SRGAP2B: variants seen among roughly 807,000 people sequenced by gnomAD.
SRGAP2B encodes the protein SLIT-ROBO Rho GTPase activating protein 2B, also known as SLIT-ROBO Rho GTPase-activating protein 2B.
In SRGAP2B, 9 loss-of-function variants were observed where a neutral mutation model predicts 22.2. That is an observed-to-expected ratio of 0.41 (90% CI 0.24 to 0.71). The LOEUF (loss-of-function observed/expected upper bound fraction) is 0.71. SRGAP2B is among the 30% of genes least tolerant of loss of function. The pLI is 0.35. For missense variants in SRGAP2B, 114 were observed against 235.8 expected (o/e 0.48, Z 3.38); for synonymous variants, 36 against 87.4 (o/e 0.41, Z 3.28).
chr1:145,001,937 G>A (rs587668678), intron 2 of SRGAP2B, among the ~76,000 whole-genome samples: 1 of 147,534 alleles, frequency 6.8e-6, no homozygotes, highest in South Asian at 2.1e-4. Flanking sequence ...TGGGAGGCTT[G>A]CTTGAGCCCA....
At chr1:145,020,402 G>A (rs1403452255) in intron 2 of SRGAP2B, among the ~76,000 whole-genome samples, 1 of 126,380 alleles carries the variant, frequency 7.9e-6, no homozygotes, top group South Asian at 2.8e-4. Context: ...ACTCCAACCT[G>A]GGCAAGAGAG....
At chr1:144,951,300 C>T (rs1332007087) in intron 4 of SRGAP2B, among the ~76,000 whole-genome samples, 2 of 142,712 alleles carry the variant, frequency 1.4e-5, no homozygotes, top group Non-Finnish European at 3.0e-5. Flanking sequence ...TCTCAGCCTC[C>T]TGGGTAGCTA....
In SRGAP2B at chr1:144,928,326, T is replaced by C. The variant is rs1273487779; in HGVS notation, c.424-13572A>G. 2.7e-3 allele frequency among the ~76,000 whole-genome samples: 392 copies of C among 145,362 alleles called. 14 individuals are homozygous for C. The highest frequency in any genetic ancestry group is 9.8e-3 in the African/African-American group (376 of 38,480). On this transcript the variant is annotated intron_variant, in intron 4 of 9. Transcript: ENST00000612199. ...ATGGACATGACACATTTTGTTTAAA[T>C]TGTATAGGTATGCCATACTTTGTTT...
At chr1:144,888,938 G>T (rs1472232697) in exon 10 of SRGAP2B, 2 of 140,408 alleles carry the variant, frequency 1.4e-5, no homozygotes, top group Non-Finnish European at 3.0e-5. Flanking sequence ...ACGCCCAGCA[G>T]ATTTATTTAT....
intron 2 of SRGAP2B, among the ~76,000 whole-genome samples, chr1:145,068,836 T>C (rs1553632852): frequency 6.8e-6 from 1 of 148,032 alleles, no homozygotes; most frequent in Non-Finnish European, 1.5e-5. Flanking sequence ...CTATTTAAAA[T>C]ATATAGAAAT....
chr1:145,083,094 G>A (rs1210240679), intron 2 of SRGAP2B, among the ~76,000 whole-genome samples: 3 of 144,438 alleles, frequency 2.1e-5, no homozygotes, highest in East Asian at 2.0e-4. Flanking sequence ...CAGAGGAGAT[G>A]CTGAGAGCGT....
chr1:145,080,342 A>C (rs1553634594), intron 2 of SRGAP2B, among the ~76,000 whole-genome samples: 1 of 148,186 alleles, frequency 6.7e-6, no homozygotes, highest in Admixed American at 6.7e-5. Context: ...AGATCGTGAT[A>C]CTTCAACAAG....
chr1:145,006,049 C>T (rs1553621009), intron 2 of SRGAP2B, among the ~76,000 whole-genome samples: 1 of 150,776 alleles, frequency 6.6e-6, no homozygotes, highest in Non-Finnish European at 1.5e-5. Context: ...CCTGGGCCTT[C>T]ATATGTTGTT....
At chr1:144,987,935 C>T (rs1342782828) in intron 3 of SRGAP2B, among the ~76,000 whole-genome samples, 3 of 150,932 alleles carry the variant, frequency 2.0e-5, no homozygotes, top group Non-Finnish European at 2.9e-5. Context: ...TCATCAGCTA[C>T]GTGGACTCTT....
intron 4 of SRGAP2B, among the ~76,000 whole-genome samples, chr1:144,954,933 A>T (rs1667149240): frequency 6.7e-6 from 1 of 150,368 alleles, no homozygotes; most frequent in Non-Finnish European, 1.5e-5. Context: ...AACGTATATG[A>T]GTTTGCTAAA....
At chr1:145,001,751 TG>T (rs1188968875) in intron 2 of SRGAP2B, among the ~76,000 whole-genome samples, 2 of 150,584 alleles carry the variant, frequency 1.3e-5, no homozygotes, top group Non-Finnish European at 2.9e-5. Context: ...CCAGGCACAG[TG>T]GCTCACCCCT....
chr1:144,964,981 G>C (rs1667962430), intron 3 of SRGAP2B: 2 of 1,435,920 alleles, frequency 1.4e-6, no homozygotes, highest in Non-Finnish European at 2.0e-6. Context: ...CTGCACCAGA[G>C]ACCTTCGCCT....
intron 2 of SRGAP2B, among the ~76,000 whole-genome samples, chr1:145,058,381 GT>G (rs1167344826): frequency 1.4e-5 from 2 of 145,034 alleles, no homozygotes; most frequent in African/African-American, 5.3e-5. Flanking sequence ...TGGCCTAGGC[GT>G]GAACAAATTC....
chr1:144,923,021 T>C (rs1264224985), intron 4 of SRGAP2B, among the ~76,000 whole-genome samples: 5 of 151,106 alleles, frequency 3.3e-5, no homozygotes, highest in Admixed American at 1.3e-4. Flanking sequence ...CTTTGGTCCC[T>C]GACCAAAGTC....
chr1:145,094,016 A>C (rs1417201539), intron 1 of SRGAP2B, among the ~76,000 whole-genome samples: 1 of 146,400 alleles, frequency 6.8e-6, no homozygotes, highest in Non-Finnish European at 1.5e-5. Context: ...CAGGAAAACA[A>C]TGTGGTCAGC....
chr1:144,980,104 C>T (rs587644538), intron 3 of SRGAP2B, among the ~76,000 whole-genome samples: 3 of 149,746 alleles, frequency 2.0e-5, no homozygotes, highest in East Asian at 3.9e-4. Flanking sequence ...AGTCAATACA[C>T]GTAAGAAGCC....
chr1:144,951,128 G>C (rs1629740), intron 4 of SRGAP2B, among the ~76,000 whole-genome samples: 7 of 150,894 alleles, frequency 4.6e-5, no homozygotes, highest in Non-Finnish European at 8.8e-5. Flanking sequence ...GATTACAGGC[G>C]TGAGCCACCG....
chr1:144,928,403 GGTTAT>G lies in SRGAP2B; in HGVS notation c.424-13654_424-13650del, dbSNP rs1319037589. On this transcript the variant is annotated intron_variant, in intron 4 of 9. Coordinates refer to ENST00000612199, the Ensembl canonical transcript of SRGAP2B. ...AACATTTGGGTTGCTTCCACTTTTT[GGTTAT>G]TTATTTATTTATTTATTTATTTATT... 3.3e-3 allele frequency among the ~76,000 whole-genome samples: 450 copies of G among 136,036 alleles called. 25 individuals are homozygous for G. The highest frequency in any genetic ancestry group is 0.012 in the African/African-American group (442 of 36,458). The allele number at this position is 136,036 out of a possible 152,430, so 89.2% of individuals were successfully genotyped here. A position where few individuals can be genotyped will look rare whatever the true frequency, so the allele number is the denominator to read the frequency against.
At position 144,930,718 on chromosome 1, in the gene SRGAP2B, G is replaced by A. The variant is rs1244697865; in HGVS notation, c.424-15964C>T. On this transcript the variant is annotated intron_variant, in intron 4 of 9. Transcript: ENST00000612199. ...ATTGAAAGAAGTAATCACTGACTTCGAATTCTCTTTCCAATAAGTGGCCAT... is the reference window on the plus strand; with the variant it reads ...ATTGAAAGAAGTAATCACTGACTTCAAATTCTCTTTCCAATAAGTGGCCAT... Among the ~76,000 whole-genome samples the A allele has an allele frequency of 4.0e-5, 6 of 149,596 alleles. 2 individuals carry two copies. Among genetic ancestry groups the A allele is most frequent in the Admixed American group, 6.6e-5 (1 of 15,054 alleles).
Sources: allele counts gnomAD v4.1 joint callset (sites outside exome capture counted in the v4.1 genomes callset), GRCh38; gene constraint gnomAD v4.1.1; transcripts MANE v1.5; gene names NCBI Gene and HGNC (gene_info 2026-07-23, HGNC 2026-07-21).